AP2A2: variants seen among roughly 807,000 people sequenced by gnomAD.
The protein encoded by AP2A2 is adaptor related protein complex 2 subunit alpha 2.
Under a neutral mutation model 104.2 loss-of-function variants are expected in AP2A2, and 32 were observed. The ratio of observed to expected loss-of-function variants is 0.31; its 90% CI spans 0.23 to 0.41. AP2A2 has a LOEUF of 0.41. AP2A2 is among the 10% of genes least tolerant of loss of function. AP2A2 has a pLI of 1.00. For missense variants in AP2A2, 912 were observed against 1,261.0 expected (o/e 0.72, Z 4.19); for synonymous variants, 539 against 533.3 (o/e 1.01, Z -0.15).
intron 1 of AP2A2, among the ~76,000 whole-genome samples, chr11:931,393 C>T (rs1031407206): frequency 6.6e-6 from 1 of 152,032 alleles, no homozygotes; most frequent in Non-Finnish European, 1.5e-5. Context: ...GTTGACATGC[C>T]AACACTAGAA....
At chr11:966,898 G>A (rs1259780443) in intron 2 of AP2A2, among the ~76,000 whole-genome samples, 2 of 152,184 alleles carry the variant, frequency 1.3e-5, no homozygotes. Context: ...GCCAGGCGTG[G>A]TGGCTCACGC....
At chr11:956,863 A>C (rs1266090684) in intron 1 of AP2A2, 1 of 152,250 alleles carries the variant, frequency 6.6e-6, no homozygotes, top group African/African-American at 2.4e-5. Context: ...TACAACACAG[A>C]AGACTTCTGT....
intron 5 of AP2A2, among the ~76,000 whole-genome samples, chr11:980,985 G>A (rs1307054091): frequency 2.6e-5 from 4 of 152,194 alleles, no homozygotes; most frequent in Non-Finnish European, 5.9e-5. Context: ...TAAGCATGAC[G>A]GAACTTCCCA....
chr11:945,128 A>C (rs565874820), intron 1 of AP2A2, among the ~76,000 whole-genome samples: 2 of 152,182 alleles, frequency 1.3e-5, no homozygotes, highest in African/African-American at 4.8e-5. Context: ...AAGGGTGGGC[A>C]GTCCCGTGTG....
At chr11:965,358 C>T (rs1854577348) in intron 2 of AP2A2, among the ~76,000 whole-genome samples, 1 of 152,170 alleles carries the variant, frequency 6.6e-6, no homozygotes, top group African/African-American at 2.4e-5. Context: ...TTATGTCTGT[C>T]TGTGGAGTTT....
At chr11:999,905 A>C (rs911284239) in intron 14 of AP2A2, among the ~76,000 whole-genome samples, 39 of 148,120 alleles carry the variant, frequency 2.6e-4, no homozygotes, top group Admixed American at 2.5e-3. Flanking sequence ...CCGGGTTCAC[A>C]CCATTCTCCT....
rs541522193 is a variant in AP2A2 at position 984,597 on chromosome 11, A to G, written c.706-48A>G. 4.7e-6 allele frequency: 7 copies of G among 1,480,798 alleles called. No homozygotes were observed. In the South Asian group the frequency reaches 6.8e-5, roughly 14 times the overall value. The allele number at this position is 1,480,798 out of a possible 1,614,324, so 91.7% of individuals were successfully genotyped here. On this transcript the variant is annotated intron_variant, in intron 6 of 21. Transcript: ENST00000448903. ...TGGCTTTTCTTTGGGTCCCCGCAGT[A>G]GGGGCTCGTGTCCGGCAGCGTGTCT... is the stretch of plus-strand genomic sequence containing the variant.
chr11:973,898 A>G (rs900643820), intron 4 of AP2A2, among the ~76,000 whole-genome samples: 2 of 152,226 alleles, frequency 1.3e-5, no homozygotes, highest in African/African-American at 2.4e-5. Flanking sequence ...CATCTTGAAC[A>G]GTACCAGGTC....
intron 2 of AP2A2, among the ~76,000 whole-genome samples, chr11:962,634 G>A (rs1056413731): frequency 1.3e-5 from 2 of 152,152 alleles, no homozygotes; most frequent in African/African-American, 2.4e-5. Context: ...TTGGGAGGCT[G>A]AGTCAGGAGA....
chr11:1,005,604 C>G (rs913133605), intron 16 of AP2A2, among the ~76,000 whole-genome samples: 2 of 152,248 alleles, frequency 1.3e-5, no homozygotes, highest in African/African-American at 4.8e-5. Context: ...TGCCTCCTCT[C>G]AGCGCCTGCC....
At chr11:994,970 G>A (rs1855802962) in intron 14 of AP2A2, among the ~76,000 whole-genome samples, 1 of 140,030 alleles carries the variant, frequency 7.1e-6, no homozygotes. Flanking sequence ...TGTCCCGGGG[G>A]CCACTGTCCC....
chr11:940,797 G>A (rs1564783281), intron 1 of AP2A2: 1 of 456,268 alleles, frequency 2.2e-6, no homozygotes, highest in East Asian at 6.9e-5. Context: ...AACCTGAAGG[G>A]CTTTGGCAGG....
chr11:960,814 C>G (rs1854410108), intron 2 of AP2A2, among the ~76,000 whole-genome samples: 1 of 150,802 alleles, frequency 6.6e-6, no homozygotes. Flanking sequence ...CACTGCACCC[C>G]ACACGGCTGG....
In AP2A2 at chr11:1,006,559, C is replaced by T. The variant is rs531735316; in HGVS notation, c.2238C>T (p.Thr746=). 5 of 1,613,642 alleles carry T rather than the reference C, an allele frequency of 3.1e-6. No individual in the cohort carries two copies. The Admixed American group carries it at 8.3e-5, about 27-fold the overall frequency. The change falls in exon 17 of 22, where the codon ACC becomes ACT. Residue 746 remains threonine (T), a synonymous_variant. Transcript: ENST00000448903. ...GRMFIFYGNK[T]STQFLNFTPT... is the part of the protein sequence containing the mutation. Reference sequence around the variant, plus strand: ...TGTTTATCTTTTATGGTAATAAGACCTCCACGCAGTTCCTAAACTTTACCC... The same window carrying T: ...TGTTTATCTTTTATGGTAATAAGACTTCCACGCAGTTCCTAAACTTTACCC...
chr11:987,017 G>A, intron 9 of AP2A2, 64 bp downstream of exon 9: 1 of 1,520,024 alleles, frequency 6.6e-7, no homozygotes, highest in East Asian at 2.5e-5. Flanking sequence ...TTCCTGTGAA[G>A]GCTGGGGGTA....
At chr11:991,462 C>A (rs1037881850) in intron 10 of AP2A2, among the ~76,000 whole-genome samples, 1 of 152,070 alleles carries the variant, frequency 6.6e-6, no homozygotes, top group Non-Finnish European at 1.5e-5. Context: ...GCAGAGGCTA[C>A]TGGGAGGGCA....
chr11:984,180 AG>A (rs1326919853), intron 6 of AP2A2, among the ~76,000 whole-genome samples: 1 of 152,194 alleles, frequency 6.6e-6, no homozygotes, highest in African/African-American at 2.4e-5. Flanking sequence ...CATTGGACAC[AG>A]AGATGGGATG....
At chr11:959,240 C>T (rs1329538027) in intron 1 of AP2A2, among the ~76,000 whole-genome samples, 197 bp from the exon 2 acceptor site, 1 of 152,244 alleles carries the variant, frequency 6.6e-6, no homozygotes, top group Non-Finnish European at 1.5e-5. Flanking sequence ...TTCCCCTAGG[C>T]TCAGTCCCGG....
rs1856396380 is a variant in AP2A2, at chr11:1,010,649, C to CGT, written c.*29_*30dup. ...AGTCCTGAGGATGGAAGACCAGGCT[C>CGT]GTGTGTCTTGTGTTGTCTTCGTCTG... On this transcript the variant is annotated 3_prime_UTR_variant, in exon 22 of 22. Coordinates refer to ENST00000448903, the MANE Select transcript of AP2A2 (RefSeq NM_012305.4). The CGT allele has an allele frequency of 1.3e-6, 2 of 1,557,002 alleles. No individual in the cohort carries two copies. The highest frequency in any genetic ancestry group is 1.7e-6 in the Non-Finnish European group (2 of 1,144,776).
Sources: gnomAD v4.1 joint callset for allele counts (sites outside exome capture counted in the v4.1 genomes callset) on GRCh38, gnomAD v4.1.1 for gene constraint, MANE v1.5 for transcripts, NCBI Gene and HGNC (gene_info 2026-07-23, HGNC 2026-07-21) for gene names.